Variants in ANXA6 observed in about 807,000 individuals in gnomAD.
ANXA6 encodes annexin A6.
In ANXA6, 71 loss-of-function variants were observed where a neutral mutation model predicts 95.4. The observed-to-expected ratio is 0.74, with a 90% CI of 0.61 to 0.91. ANXA6 has a LOEUF of 0.91. ANXA6 is among the 40% of genes least tolerant of loss of function. The probability of loss-of-function intolerance (pLI) is 0.00; values close to 1 mark genes in which losing one functional copy is unlikely to be tolerated. For missense variants in ANXA6, 830 were observed against 876.4 expected, an observed-to-expected ratio of 0.95 and a Z score of 0.67; for synonymous variants, 289 against 315.9, an observed-to-expected ratio of 0.91 and a Z score of 0.90.
chr5:151,128,346 CTT>C, intron 12 of ANXA6, 107 bp from the exon 13 acceptor site: 1 of 948,686 alleles, frequency 1.1e-6, no homozygotes, highest in South Asian at 1.4e-5. Context: ...TGAATGAACA[CTT>C]ATTCATAGCA....
intron 18 of ANXA6, among the ~76,000 whole-genome samples, chr5:151,118,769 T>C (rs1017229765): frequency 6.6e-6 from 1 of 151,944 alleles, no homozygotes; most frequent in East Asian, 1.9e-4. Flanking sequence ...GGTTTTGCCA[T>C]GTCGCCCAGG....
chr5:151,129,738 T>C (rs900132280), intron 11 of ANXA6, among the ~76,000 whole-genome samples: 26 of 152,150 alleles, frequency 1.7e-4, no homozygotes, highest in African/African-American at 6.0e-4. Context: ...TCTGAGACAG[T>C]GTCTCACTCT....
intron 13 of ANXA6, among the ~76,000 whole-genome samples, chr5:151,127,732 G>T (rs1178145358): frequency 2.0e-5 from 3 of 152,188 alleles, no homozygotes; most frequent in African/African-American, 7.2e-5. Context: ...ACCCTTCTGC[G>T]CTGTGGCCTT....
chr5:151,138,108 T>C (rs558966982), intron 5 of ANXA6, among the ~76,000 whole-genome samples: 11 of 152,248 alleles, frequency 7.2e-5, no homozygotes, highest in African/African-American at 2.6e-4. Flanking sequence ...AAGACAAAGA[T>C]CATAGCACTT....
At chr5:151,132,408 GC>G in intron 10 of ANXA6, 67 bp downstream of exon 10, 1 of 1,188,232 alleles carries the variant, frequency 8.4e-7, no homozygotes, top group Non-Finnish European at 1.2e-6. Flanking sequence ...TCCATTCTCA[GC>G]CCCTTGTTCC....
rs146331838 is a variant in ANXA6, at chr5:151,110,559, G to A, written c.1590+68C>T. On this transcript the variant is annotated intron_variant, in intron 21 of 25. Coordinates refer to ENST00000354546, the MANE Select transcript of ANXA6 (RefSeq NM_001155.5). The stretch of plus-strand genomic sequence containing the variant: ...CCAAATCACTGCTCGATACTGCCCC[G>A]CTCGGCCCAGTAAAGGCGGACTTTA... The A allele has an allele frequency of 1.2e-4, 187 of 1,555,066 alleles. 2 individuals carry two copies. In the East Asian group the frequency reaches 3.2e-3, roughly 27 times the overall value.
chr5:151,116,287 C>T (rs1276447066), intron 20 of ANXA6, among the ~76,000 whole-genome samples: 1 of 152,156 alleles, frequency 6.6e-6, no homozygotes, highest in Admixed American at 6.5e-5. Context: ...GGTGTCTGTG[C>T]CCCACATCCC....
intron 10 of ANXA6, 28 bp from the exon 11 acceptor site, chr5:151,131,317 T>A (rs748054578): frequency 6.2e-7 from 1 of 1,611,930 alleles, no homozygotes; most frequent in East Asian, 2.2e-5. Flanking sequence ...GAGGTAGAGT[T>A]ATTCTGGCTG....
chr5:151,110,612 G>C lies in ANXA6; in HGVS notation c.1590+15C>G. 9 of 1,613,010 alleles carry C rather than the reference G, an allele frequency of 5.6e-6. No homozygotes were observed. The highest frequency in any genetic ancestry group is 6.8e-6 in the Non-Finnish European group (8 of 1,179,290). On this transcript the variant is annotated intron_variant, in intron 21 of 25. Coordinates refer to ENST00000354546, the MANE Select transcript of ANXA6 (RefSeq NM_001155.5). ...CAGAGGCCGTTAAAACCCAAATGAA[G>C]AACAGGACACTCACCAAGATCTCAG...
chr5:151,143,086 G>A (rs1032038396), intron 2 of ANXA6, among the ~76,000 whole-genome samples: 5 of 152,204 alleles, frequency 3.3e-5, no homozygotes, highest in African/African-American at 1.2e-4. Context: ...ACTAAATGAG[G>A]AAGGTAGGTC....
intron 1 of ANXA6, among the ~76,000 whole-genome samples, chr5:151,152,987 T>C (rs1766143724): frequency 6.6e-6 from 1 of 152,032 alleles, no homozygotes; most frequent in Admixed American, 6.6e-5. Flanking sequence ...TGGAAAATCA[T>C]GCAAAAAAAC....
At chr5:151,107,653 G>C (rs1009715356) in intron 23 of ANXA6, among the ~76,000 whole-genome samples, 1 of 152,176 alleles carries the variant, frequency 6.6e-6, no homozygotes, top group Admixed American at 6.5e-5. Flanking sequence ...TTGATGCAAT[G>C]TGTTTTATAG....
intron 24 of ANXA6, among the ~76,000 whole-genome samples, chr5:151,104,644 G>T (rs994687458): frequency 2.0e-5 from 3 of 152,192 alleles, no homozygotes; most frequent in African/African-American, 7.2e-5. Context: ...AGGGTCTCAG[G>T]TTCCTTCCTA....
At chr5:151,156,095 T>C (rs1218714407) in intron 1 of ANXA6, among the ~76,000 whole-genome samples, 1 of 152,238 alleles carries the variant, frequency 6.6e-6, no homozygotes, top group Non-Finnish European at 1.5e-5. Context: ...ATTTTCTGTA[T>C]CTCAGCAGAT....
intron 25 of ANXA6, among the ~76,000 whole-genome samples, chr5:151,102,912 G>A (rs1354880298): frequency 1.3e-5 from 2 of 152,312 alleles, no homozygotes; most frequent in East Asian, 3.9e-4. Context: ...TATGGGAATG[G>A]TTGTACAACT....
intron 13 of ANXA6, among the ~76,000 whole-genome samples, chr5:151,127,468 C>T (rs72790133): frequency 1.0e-3 from 158 of 152,328 alleles, no homozygotes; most frequent in Admixed American, 4.8e-3. Context: ...TGCATGACTT[C>T]GGACATATGA....
At chr5:151,123,093 A>C in intron 15 of ANXA6, 82 bp from the exon 16 acceptor site, 1 of 1,214,028 alleles carries the variant, frequency 8.2e-7, no homozygotes, top group Non-Finnish European at 1.2e-6. Context: ...ATGGCCCCTC[A>C]TCGATCTTTG....
At chr5:151,102,955 C>A (rs1764589071) in intron 25 of ANXA6, among the ~76,000 whole-genome samples, 1 of 151,804 alleles carries the variant, frequency 6.6e-6, no homozygotes, top group South Asian at 2.1e-4. Context: ...TGAATTGTAC[C>A]CTTAAAACAG....
At chr5:151,132,698 T>C (rs1765551163) in intron 9 of ANXA6, 127 bp from the exon 10 acceptor site, 3 of 749,694 alleles carry the variant, frequency 4.0e-6, no homozygotes, top group Non-Finnish European at 4.3e-6. Flanking sequence ...GGGCTGGTGC[T>C]ATGATGGAGG....
Sources: allele counts gnomAD v4.1 joint callset (sites outside exome capture counted in the v4.1 genomes callset), GRCh38; gene constraint gnomAD v4.1.1; transcripts MANE v1.5; gene names NCBI Gene and HGNC (gene_info 2026-07-23, HGNC 2026-07-21).